MYZAP: variants seen among roughly 807,000 people sequenced by gnomAD.
MYZAP encodes myocardial zonula adherens protein.
MYZAP carries 66 observed loss-of-function variants against 69.4 expected under a neutral mutation model. The ratio of observed to expected loss-of-function variants is 0.95; its 90% confidence interval spans 0.78 to 1.17. The LOEUF (loss-of-function observed/expected upper bound fraction) is 1.17, where lower values mean the gene tolerates loss of function less well. MYZAP is among the 50% of genes most tolerant of loss of function. The pLI, the probability that MYZAP is intolerant of heterozygous loss-of-function variation, is 0.00. For synonymous variants in MYZAP, 256 were observed against 205.9 expected (o/e 1.24, Z -2.09); for missense variants, 611 against 556.2 (o/e 1.10, Z -0.99).
At chr15:57,648,415 G>A in intron 10 of MYZAP, 2 of 985,364 alleles carry the variant, frequency 2.0e-6, no homozygotes, top group Non-Finnish European at 2.4e-6. Context: ...ACTATGTGAG[G>A]CTGAGTAATT....
chr15:57,607,257 C>T (rs755989914), intron 2 of MYZAP, among the ~76,000 whole-genome samples: 21 of 152,052 alleles, frequency 1.4e-4, no homozygotes, highest in Non-Finnish European at 2.8e-4. Flanking sequence ...GGGAGATGTT[C>T]GTGAAAGGTT....
chr15:57,617,962 G>GC (rs1417987077), intron 2 of MYZAP, 71 bp from the exon 3 acceptor site: 18 of 1,532,822 alleles, frequency 1.2e-5, no homozygotes, highest in Non-Finnish European at 1.5e-5. Flanking sequence ...TACACAGTGG[G>GC]CCCGTTATTA....
intron 6 of MYZAP, among the ~76,000 whole-genome samples, chr15:57,630,785 G>T (rs1024793213): frequency 1.3e-5 from 2 of 152,206 alleles, no homozygotes; most frequent in African/African-American, 4.8e-5. Flanking sequence ...TCTGTGGTTT[G>T]AAAATTTTGC....
Position 57,633,571 on chromosome 15 carries a change from G to C in MYZAP, c.805-42G>C, listed in dbSNP as rs199506323. 41 of 1,577,994 alleles carry C rather than the reference G, an allele frequency of 2.6e-5. No homozygotes were observed. The East Asian group carries it at 9.4e-4, about 36-fold the overall frequency. ...GATTGGATCCCGGTGAGTAGCCTCG[G>C]TACTCCATGCCTGTACTTAGGAGGG... On this transcript the variant is annotated intron_variant, in intron 7 of 12. Transcript: ENST00000267853.
intron 11 of MYZAP, among the ~76,000 whole-genome samples, chr15:57,666,841 T>C (rs1421933673): frequency 2.6e-5 from 4 of 152,222 alleles, no homozygotes; most frequent in Admixed American, 2.6e-4. Context: ...AAAGAAAATC[T>C]TCCTGATAAC....
chr15:57,614,657 T>C (rs1419088786), intron 2 of MYZAP, among the ~76,000 whole-genome samples: 1 of 152,192 alleles, frequency 6.6e-6, no homozygotes, highest in African/African-American at 2.4e-5. Flanking sequence ...ATCCTGGGCC[T>C]GCCTCTTCCA....
intron 10 of MYZAP, among the ~76,000 whole-genome samples, chr15:57,642,128 G>A (rs1454661098): frequency 6.6e-5 from 10 of 152,178 alleles, no homozygotes; most frequent in African/African-American, 2.2e-4. Flanking sequence ...TCATGGTTAC[G>A]TTCTTTACAA....
intron 10 of MYZAP, among the ~76,000 whole-genome samples, chr15:57,656,088 G>A (rs2037997075): frequency 1.3e-5 from 2 of 152,200 alleles, no homozygotes; most frequent in South Asian, 4.1e-4. Flanking sequence ...CAAGAAGTGA[G>A]ATCAAAGGTG....
intron 1 of MYZAP, among the ~76,000 whole-genome samples, chr15:57,593,214 A>ACACACACACACACACACACACACCCC (rs1172761785): frequency 2.1e-5 from 3 of 141,344 alleles, no homozygotes; most frequent in African/African-American, 5.6e-5. Context: ...ACACACACAC[A>ACACACACACACACACACACACACCCC]CCCCAGAATC....
At chr15:57,593,206 A>ACACACACACACACACG (rs1431179889) in intron 1 of MYZAP, among the ~76,000 whole-genome samples, 1 of 114,352 alleles carries the variant, frequency 8.7e-6, no homozygotes, top group East Asian at 2.5e-4. Context: ...ACACACACAC[A>ACACACACACACACACG]CACACACACC....
intron 11 of MYZAP, among the ~76,000 whole-genome samples, chr15:57,664,070 G>GTT (rs35632598): frequency 4.0e-4 from 57 of 141,500 alleles, no homozygotes; most frequent in Admixed American, 7.7e-4. Context: ...TTCTGTTCTT[G>GTT]TTTTTTTTTT....
intron 10 of MYZAP, among the ~76,000 whole-genome samples, chr15:57,640,898 G>A (rs145684469): frequency 7.0e-4 from 106 of 152,324 alleles, no homozygotes; most frequent in African/African-American, 2.5e-3. Flanking sequence ...ACAGTAATGC[G>A]GAGGGAGATC....
intron 10 of MYZAP, among the ~76,000 whole-genome samples, chr15:57,650,305 A>G (rs373372175): frequency 2.2e-4 from 34 of 152,278 alleles, no homozygotes; most frequent in African/African-American, 7.7e-4. Context: ...AGGAGGAGCC[A>G]GGTACAATTT....
intron 10 of MYZAP, among the ~76,000 whole-genome samples, chr15:57,640,931 T>C (rs562991742): frequency 1.3e-4 from 20 of 152,314 alleles, no homozygotes; most frequent in African/African-American, 4.6e-4. Flanking sequence ...CAACACTAGG[T>C]AGATGTCAGG....
intron 12 of MYZAP, among the ~76,000 whole-genome samples, chr15:57,683,888 G>A (rs994769929): frequency 6.6e-6 from 1 of 152,010 alleles, no homozygotes; most frequent in Non-Finnish European, 1.5e-5. Context: ...TCTGCCTCCC[G>A]GGTTCAAGCA....
At chr15:57,606,635 G>A (rs2034767173) in intron 2 of MYZAP, among the ~76,000 whole-genome samples, 2 of 151,566 alleles carry the variant, frequency 1.3e-5, no homozygotes, top group African/African-American at 2.4e-5. Flanking sequence ...GCTAAATGAC[G>A]AATTAATGGG....
chr15:57,659,586 C>G (rs1371232452), intron 10 of MYZAP, among the ~76,000 whole-genome samples: 1 of 152,178 alleles, frequency 6.6e-6, no homozygotes, highest in Non-Finnish European at 1.5e-5. Flanking sequence ...TGCTAACAAT[C>G]TTCTCAGTGA....
At position 57,625,863 on chromosome 15, in the gene MYZAP, G is replaced by A. The variant is rs2036101487; in HGVS notation, c.496G>A (p.Ala166Thr). ...ALDRFNAMNS[A>T]LASDSIGLQK... is the part of the protein sequence containing the mutation. ...GGATCGTTTTAATGCCATGAACTCA[G>A]CCTTGGCATCAGATTCCATTGGCCT... The change falls in exon 5 of 13, where the codon GCC becomes ACC. Residue 166 changes from alanine to threonine, a missense_variant. Physicochemically the swap from Ala to Thr is moderately conservative, Grantham distance 58 (BLOSUM62 0). Coordinates refer to ENST00000267853, the MANE Select transcript of MYZAP (RefSeq NM_001018100.5). 2 of 1,614,014 alleles carry A rather than the reference G, an allele frequency of 1.2e-6. No homozygotes were observed. The highest frequency in any genetic ancestry group is 2.2e-5 in the South Asian group (2 of 91,080).
At chr15:57,596,584 G>T (rs902117224) in intron 1 of MYZAP, among the ~76,000 whole-genome samples, 4 of 152,064 alleles carry the variant, frequency 2.6e-5, no homozygotes, top group Non-Finnish European at 4.4e-5. Context: ...CTTAAAGGCC[G>T]GGGTGATCTT....
Sources: gnomAD v4.1 joint callset for allele counts (sites outside exome capture counted in the v4.1 genomes callset) on GRCh38, gnomAD v4.1.1 for gene constraint, MANE v1.5 for transcripts, NCBI Gene and HGNC (gene_info 2026-07-23, HGNC 2026-07-21) for gene names.